Variants in IQGAP1 observed in about 807,000 individuals in gnomAD.
The protein encoded by IQGAP1 is IQ motif containing GTPase activating protein 1, also known as ras GTPase-activating-like protein IQGAP1.
IQGAP1 carries 66 observed loss-of-function variants against 215.6 expected under a neutral mutation model. That is an observed-to-expected ratio of 0.31 (90% confidence interval 0.25 to 0.38). The LOEUF is 0.38. Among genes scored for constraint, IQGAP1 ranks in the 10% least tolerant of loss-of-function variants. The pLI is 1.00. For missense variants in IQGAP1, 1,712 were observed against 1,997.1 expected (o/e 0.86, Z 2.72); for synonymous variants, 772 against 728.7 (o/e 1.06, Z -0.96).
chr15:90,427,148 G>C (rs1339458464), intron 3 of IQGAP1, among the ~76,000 whole-genome samples: 1 of 151,932 alleles, frequency 6.6e-6, no homozygotes, highest in African/African-American at 2.4e-5. Context: ...TGTAGTCCTG[G>C]CTACTTGGGA....
intron 14 of IQGAP1, 85 bp from the exon 15 acceptor site, chr15:90,456,067 A>G: frequency 8.7e-7 from 1 of 1,152,638 alleles, no homozygotes; most frequent in South Asian, 1.5e-5. Context: ...AGGTGGATTT[A>G]TGATTAGTTA....
chr15:90,453,172 T>C lies in IQGAP1; in HGVS notation c.1367T>C (p.Met456Thr). The C allele has an allele frequency of 6.2e-7, 1 of 1,614,028 alleles. No homozygotes were observed. The highest frequency in any genetic ancestry group is 8.5e-7 in the Non-Finnish European group (1 of 1,179,958). ...CCAGAGCTCTCTGTCGCAGTGGAGA[T>C]GTTGTCATCGGTGGCCCTGATCAAC... ...THPELSVAVE[M>T]LSSVALINRA... The change falls in exon 13 of 38, where the codon ATG becomes ACG. Residue 456 changes from methionine to threonine, a missense_variant. Coordinates refer to ENST00000268182, the MANE Select transcript of IQGAP1 (RefSeq NM_003870.4).
At chr15:90,457,468 C>G (rs113223796) in intron 15 of IQGAP1, among the ~76,000 whole-genome samples, 1 of 151,688 alleles carries the variant, frequency 6.6e-6, no homozygotes, top group African/African-American at 2.4e-5. Flanking sequence ...GCTCTGTCAC[C>G]CAGGCTAGAG....
chr15:90,403,622 T>G (rs1364662394), intron 2 of IQGAP1, among the ~76,000 whole-genome samples: 1 of 152,200 alleles, frequency 6.6e-6, no homozygotes, highest in Non-Finnish European at 1.5e-5. Flanking sequence ...TAAATACAAA[T>G]TACTTTGATT....
intron 2 of IQGAP1, among the ~76,000 whole-genome samples, chr15:90,408,414 GTCTT>G (rs1301528810): frequency 6.6e-6 from 1 of 152,074 alleles, no homozygotes; most frequent in Non-Finnish European, 1.5e-5. Context: ...TTTCAGTAGA[GTCTT>G]TCTAATTTAT....
chr15:90,456,464 A>G, intron 15 of IQGAP1, 149 bp downstream of exon 15: 1 of 703,734 alleles, frequency 1.4e-6, no homozygotes, highest in Non-Finnish European at 2.3e-6. Flanking sequence ...CAAAAATGTG[A>G]GAGACATAGG....
At position 90,392,279 on chromosome 15, in the gene IQGAP1, T is replaced by G. The variant is rs562514642; in HGVS notation, c.155+1406T>G. On this transcript the variant is annotated intron_variant, in intron 2 of 37. Transcript: ENST00000268182. ...GTGAGGAGGATAACACTTGTCTTTC[T>G]AAATAATAGAAGATGACATAGCAAG... Among the ~76,000 whole-genome samples, 12 of 152,288 alleles carry G rather than the reference T, an allele frequency of 7.9e-5. 1 individual carries two copies. The highest frequency in any genetic ancestry group is 2.9e-4 in the African/African-American group (12 of 41,560).
intron 15 of IQGAP1, among the ~76,000 whole-genome samples, chr15:90,459,628 C>G (rs1042291893): frequency 6.6e-6 from 1 of 152,176 alleles, no homozygotes; most frequent in Admixed American, 6.5e-5. Flanking sequence ...AATTGCTTAA[C>G]ATTGCCAGGC....
chr15:90,487,722 G>A (rs111405266), intron 33 of IQGAP1, 140 bp downstream of exon 33: 65 of 632,298 alleles, frequency 1.0e-4, no homozygotes, highest in Non-Finnish European at 1.8e-4. Context: ...GACAGTGGTA[G>A]TTATGGCTCG....
intron 30 of IQGAP1, 142 bp from the exon 31 acceptor site, chr15:90,485,888 G>C (rs192821927): frequency 5.7e-5 from 35 of 616,190 alleles, no homozygotes; most frequent in African/African-American, 5.5e-4. Flanking sequence ...ATTTGGGTTA[G>C]TTTGCTGAGG....
At chr15:90,460,293 C>G (rs1965743766) in intron 15 of IQGAP1, among the ~76,000 whole-genome samples, 1 of 152,136 alleles carries the variant, frequency 6.6e-6, no homozygotes, top group Admixed American at 6.5e-5. Flanking sequence ...AGCATGTGCA[C>G]AGCCCACACA....
At chr15:90,407,799 G>T (rs956622567) in intron 2 of IQGAP1, among the ~76,000 whole-genome samples, 1 of 152,100 alleles carries the variant, frequency 6.6e-6, no homozygotes. Context: ...CACGTTTTTA[G>T]CTCCTCCATT....
At chr15:90,395,053 A>G (rs1216870902) in intron 2 of IQGAP1, among the ~76,000 whole-genome samples, 2 of 152,214 alleles carry the variant, frequency 1.3e-5, no homozygotes, top group Admixed American at 6.5e-5. Flanking sequence ...TAATTCCTAT[A>G]AATGAGCACT....
At chr15:90,494,595 A>G in intron 35 of IQGAP1, 118 bp from the exon 36 acceptor site, 1 of 734,092 alleles carries the variant, frequency 1.4e-6, no homozygotes, top group African/African-American at 1.8e-5. Flanking sequence ...TAGAGTTGGT[A>G]TGTTACTTAT....
At chr15:90,454,851 G>T (rs755606423) in intron 14 of IQGAP1, among the ~76,000 whole-genome samples, 4 of 152,170 alleles carry the variant, frequency 2.6e-5, no homozygotes, top group South Asian at 2.1e-4. Context: ...AATTGCACAG[G>T]TTGTAGGCAT....
rs778800149 is a variant in IQGAP1, at chr15:90,482,035, C to G, written c.3405C>G (p.Ile1135Met). 4.3e-6 allele frequency: 7 copies of G among 1,614,100 alleles called. No individual in the cohort carries two copies. Among genetic ancestry groups the G allele is most frequent in the Non-Finnish European group, 5.9e-6 (7 of 1,180,046 alleles). The change falls in exon 27 of 38, where the codon ATC (isoleucine) becomes ATG (methionine). Residue 1135 changes from isoleucine to methionine, a missense_variant. Coordinates refer to ENST00000268182, the MANE Select transcript of IQGAP1 (RefSeq NM_003870.4). ...TGAAGACACGGCTAGACAGCTCCAT[C>G]AGGAACATGCGGGCTGTGACAGACA... ...EEVKTRLDSSIRNMRAVTDKF... is the reference protein window; with the variant it reads ...EEVKTRLDSSMRNMRAVTDKF...
At chr15:90,398,591 T>A (rs1221935373) in intron 2 of IQGAP1, among the ~76,000 whole-genome samples, 1 of 152,198 alleles carries the variant, frequency 6.6e-6, no homozygotes, top group East Asian at 1.9e-4. Flanking sequence ...AAAATGCATT[T>A]AATACACCTA....
At chr15:90,487,119 G>T (rs1207759266) in intron 32 of IQGAP1, 30 bp downstream of exon 32, 1 of 1,612,624 alleles carries the variant, frequency 6.2e-7, no homozygotes, top group Non-Finnish European at 8.5e-7. Context: ...AGAATGAAAT[G>T]AATGTAATCT....
chr15:90,500,125 AG>A lies in IQGAP1; in HGVS notation c.*18del. 7.1e-7 allele frequency: 1 copy of A among 1,412,928 alleles called. No individual in the cohort carries two copies. Among genetic ancestry groups the A allele is most frequent in the Non-Finnish European group, 1.0e-6 (1 of 996,980 alleles). The allele number at this position is 1,412,928 out of a possible 1,614,324, so 87.5% of individuals were successfully genotyped here. A position where few individuals can be genotyped will look rare whatever the true frequency, so the allele number is the denominator to read the frequency against. ...GGGAAGTAATTGATCGTTTGCTGCC[AG>A]CCCAGAAGGATGAAGGAAAGAAGCA... On this transcript the variant is annotated 3_prime_UTR_variant, in exon 38 of 38. Coordinates refer to ENST00000268182, the MANE Select transcript of IQGAP1 (RefSeq NM_003870.4).
Sources: gnomAD v4.1 joint callset for allele counts (sites outside exome capture counted in the v4.1 genomes callset) on GRCh38, gnomAD v4.1.1 for gene constraint, MANE v1.5 for transcripts, NCBI Gene and HGNC (gene_info 2026-07-23, HGNC 2026-07-21) for gene names.